PDPN: variants seen among roughly 807,000 people sequenced by gnomAD.
The protein encoded by PDPN is podoplanin.
In PDPN, 12 loss-of-function variants were observed where a neutral mutation model predicts 23.2. That is an observed-to-expected ratio of 0.52 (90% CI 0.33 to 0.84). PDPN has a LOEUF of 0.84. Among genes scored for constraint, PDPN ranks in the 40% least tolerant of loss-of-function variants. The pLI, the probability that PDPN is intolerant of heterozygous loss-of-function variation, is 0.02. For synonymous variants in PDPN, 77 were observed against 76.7 expected (o/e 1.00, Z -0.02); for missense variants, 199 against 212.2 (o/e 0.94, Z 0.39).
At chr1:13,602,304 G>C (rs1358761823) in intron 1 of PDPN, among the ~76,000 whole-genome samples, 1 of 152,048 alleles carries the variant, frequency 6.6e-6, no homozygotes, top group Admixed American at 6.5e-5. Flanking sequence ...CTCCAGCCTG[G>C]GCGACAGAGC....
intron 1 of PDPN, among the ~76,000 whole-genome samples, chr1:13,605,345 C>T (rs912704323): frequency 7.2e-5 from 11 of 152,226 alleles, no homozygotes; most frequent in African/African-American, 1.9e-4. Flanking sequence ...CCCTCCCCCT[C>T]GCTCCTGGGA....
At chr1:13,594,988 C>T (rs1640453496) in intron 1 of PDPN, among the ~76,000 whole-genome samples, 1 of 149,104 alleles carries the variant, frequency 6.7e-6, no homozygotes, top group South Asian at 2.1e-4. Context: ...GAGCGAGACT[C>T]CTTCTCAAAA....
chr1:13,587,838 C>T (rs1640220653), intron 1 of PDPN, among the ~76,000 whole-genome samples: 1 of 152,158 alleles, frequency 6.6e-6, no homozygotes, highest in South Asian at 2.1e-4. Flanking sequence ...TGACTGTTTC[C>T]TTCCCACATG....
intron 1 of PDPN, among the ~76,000 whole-genome samples, chr1:13,605,317 AG>A (rs1286897555): frequency 6.6e-6 from 1 of 152,230 alleles, no homozygotes; most frequent in Non-Finnish European, 1.5e-5. Flanking sequence ...CATTACACAA[AG>A]AAATTTCCAA....
At chr1:13,606,678 T>A (rs1432527958) in intron 1 of PDPN, among the ~76,000 whole-genome samples, 1 of 151,792 alleles carries the variant, frequency 6.6e-6, no homozygotes, top group Admixed American at 6.6e-5. Context: ...TTAAGAAAAA[T>A]TAATTTGAAA....
intron 3 of PDPN, among the ~76,000 whole-genome samples, chr1:13,610,761 T>C (rs1051981737): frequency 1.3e-5 from 2 of 152,214 alleles, no homozygotes; most frequent in African/African-American, 4.8e-5. Flanking sequence ...GTGAGTTAAG[T>C]AGCTACTGAG....
chr1:13,616,080 G>A lies in PDPN; in HGVS notation c.*169G>A, dbSNP rs1055704. The A allele has an allele frequency of 5.0e-5, 32 of 646,318 alleles. No individual in the cohort carries two copies. In the East Asian group the frequency reaches 6.4e-4, roughly 13 times the overall value. The allele number at this position is 646,318 out of a possible 1,614,324, so 40.0% of individuals were successfully genotyped here. A position where few individuals can be genotyped will look rare whatever the true frequency, so the allele number is the denominator to read the frequency against. Reference sequence around the variant, plus strand: ...TGCCAAAATAACCGAAGGAAAGACCGTTCACCAGACTTGGCTCCTCTAAAC... The same window carrying A: ...TGCCAAAATAACCGAAGGAAAGACCATTCACCAGACTTGGCTCCTCTAAAC... On this transcript the variant is annotated 3_prime_UTR_variant, in exon 6 of 6. Coordinates refer to ENST00000621990, the MANE Select transcript of PDPN (RefSeq NM_006474.5).
Position 13,595,870 on chromosome 1 carries a change from G to T in PDPN, c.68-11303G>T. 3 of 1,288,504 alleles carry T rather than the reference G, an allele frequency of 2.3e-6. No homozygotes were observed. In the South Asian group the frequency reaches 3.7e-5, roughly 16 times the overall value. 79.8% of individuals were successfully genotyped at this position (1,288,504 alleles called of 1,614,324 possible). On this transcript the variant is annotated intron_variant, in intron 1 of 5. Transcript: ENST00000621990. ...TCGGGGGTGAAGCCTGGTGGACAGC[G>T]GCAGGGACATCATAAATACAGAAGA...
intron 1 of PDPN, among the ~76,000 whole-genome samples, chr1:13,605,476 G>A (rs1192450977): frequency 1.3e-5 from 2 of 152,202 alleles, no homozygotes; most frequent in Non-Finnish European, 2.9e-5. Flanking sequence ...GGGTTGTTTG[G>A]TGATTTTTGG....
chr1:13,586,041 C>T (rs1640170281), intron 1 of PDPN, among the ~76,000 whole-genome samples: 1 of 152,168 alleles, frequency 6.6e-6, no homozygotes, highest in Non-Finnish European at 1.5e-5. Flanking sequence ...CTGTTGTCCA[C>T]ACATCTGGCA....
At chr1:13,588,788 C>G (rs1640253674) in intron 1 of PDPN, among the ~76,000 whole-genome samples, 1 of 134,410 alleles carries the variant, frequency 7.4e-6, no homozygotes, top group South Asian at 2.2e-4. Flanking sequence ...AAGCGATCCT[C>G]CCACCTCAGC....
intron 1 of PDPN, among the ~76,000 whole-genome samples, chr1:13,593,608 G>A (rs1429585625): frequency 1.3e-5 from 2 of 152,188 alleles, no homozygotes; most frequent in Non-Finnish European, 2.9e-5. Context: ...CATCCTCCTG[G>A]GCTCACAGCT....
At position 13,607,761 on chromosome 1, in the gene PDPN, G is replaced by A. The variant is rs114262188; in HGVS notation, c.201+455G>A. ...GTTACAGCCCAACTTTCAATACAAT[G>A]AAAGTTTTCTTGGGTGTTGTGGCAA... On this transcript the variant is annotated intron_variant, in intron 2 of 5. Transcript: ENST00000621990. Among the ~76,000 whole-genome samples, 804 of 152,258 alleles carry A rather than the reference G, an allele frequency of 5.3e-3. 7 individuals are homozygous for A. The highest frequency in any genetic ancestry group is 0.018 in the African/African-American group (733 of 41,550).
At chr1:13,599,045 T>G (rs1640571303) in intron 1 of PDPN, among the ~76,000 whole-genome samples, 1 of 141,766 alleles carries the variant, frequency 7.1e-6, no homozygotes, top group Non-Finnish European at 1.5e-5. Context: ...GGAGTCTCGC[T>G]CTGTCACTAG....
intron 5 of PDPN, 129 bp from the exon 6 acceptor site, chr1:13,615,776 C>T (rs1283627646): frequency 1.1e-6 from 1 of 885,486 alleles, no homozygotes; most frequent in Non-Finnish European, 1.9e-6. Context: ...ATGTCAGGAA[C>T]AAGAGATGAT....
At position 13,602,084 on chromosome 1, in the gene PDPN, C is replaced by T. The variant is rs867158649; in HGVS notation, c.68-5089C>T. On this transcript the variant is annotated intron_variant, in intron 1 of 5. Coordinates refer to ENST00000621990, the MANE Select transcript of PDPN (RefSeq NM_006474.5). ...CAGCACTTTGGGTGGCTCAGCACTT[C>T]GGGAGGCCGAGGCGGGTGGATCACA... Among the ~76,000 whole-genome samples, 178 of 150,000 alleles carry T rather than the reference C, an allele frequency of 1.2e-3. 3 individuals are homozygous for T. In the Middle Eastern group the frequency reaches 0.014, roughly 12 times the overall value.
rs1640813207 is a variant in PDPN, at chr1:13,607,263, C to T, written c.158C>T (p.Pro53Leu). The change falls in exon 2 of 6, where the codon CCA becomes CTA. Residue 53 changes from proline (P) to leucine (L), a missense_variant. Transcript: ENST00000621990. ...GGTGCCGAAGATGATGTGGTGACTC[C>T]AGGAACCAGCGAAGACCGCTATAAG... ...MPGAEDDVVTPGTSEDRYKSG... is the reference protein window; with the variant it reads ...MPGAEDDVVTLGTSEDRYKSG... 2 of 1,614,140 alleles carry T rather than the reference C, an allele frequency of 1.2e-6. No homozygotes were observed. Among genetic ancestry groups the T allele is most frequent in the African/African-American group, 2.7e-5 (2 of 75,052 alleles).
intron 1 of PDPN, 68 bp downstream of exon 1, chr1:13,584,168 T>C (rs1005632987): frequency 2.5e-6 from 4 of 1,569,456 alleles, no homozygotes; most frequent in African/African-American, 2.7e-5. Flanking sequence ...CTTGCTGGAA[T>C]GCCCGGGCCT....
chr1:13,592,210 A>G (rs1428598971), intron 1 of PDPN, among the ~76,000 whole-genome samples: 1 of 152,210 alleles, frequency 6.6e-6, no homozygotes, highest in Non-Finnish European at 1.5e-5. Context: ...TATATTCTAG[A>G]TATTAGACCC....
Sources: allele counts gnomAD v4.1 joint callset (sites outside exome capture counted in the v4.1 genomes callset), GRCh38; gene constraint gnomAD v4.1.1; transcripts MANE v1.5; gene names NCBI Gene and HGNC (gene_info 2026-07-23, HGNC 2026-07-21).